Variants in RASAL2 observed in about 807,000 individuals in gnomAD.
RASAL2 encodes ras GTPase-activating protein nGAP.
A neutral mutation model predicts 128.9 loss-of-function variants in RASAL2; 58 were observed. That is an observed-to-expected ratio of 0.45 (90% CI 0.36 to 0.56). The LOEUF is 0.56. RASAL2 is among the 20% of genes least tolerant of loss of function. RASAL2 has a pLI of 0.00. For synonymous variants in RASAL2, 561 were observed against 580.8 expected, an observed-to-expected ratio of 0.97 and a Z score of 0.49; for missense variants, 1,360 against 1,601.6, an observed-to-expected ratio of 0.85 and a Z score of 2.57.
intron 1 of RASAL2, among the ~76,000 whole-genome samples, chr1:178,199,267 G>A (rs1416112117): frequency 6.6e-6 from 1 of 152,180 alleles, no homozygotes; most frequent in Non-Finnish European, 1.5e-5. Context: ...CCCGGGTGAG[G>A]TGATGCCCCA....
In RASAL2 at chr1:178,175,761, T is replaced by C. The variant is rs114906087; in HGVS notation, c.202+81067T>C. 6.0e-3 allele frequency among the ~76,000 whole-genome samples: 914 copies of C among 152,160 alleles called. 9 individuals are homozygous for C. The highest frequency in any genetic ancestry group is 0.021 in the African/African-American group (866 of 41,536). On this transcript the variant is annotated intron_variant, in intron 1 of 17. Transcript: ENST00000367649. The stretch of plus-strand genomic sequence containing the variant: ...CACTGTGAATGCCTTTGTGTACCCA[T>C]TGTTTAGGTCCCAGTTATAAGAGAG...
Position 178,326,937 on chromosome 1 carries a change from C to T in RASAL2, c.457+26819C>T, listed in dbSNP as rs750145845. 8.5e-5 allele frequency among the ~76,000 whole-genome samples: 13 copies of T among 152,076 alleles called. No individual in the cohort carries two copies. In the South Asian group the frequency reaches 1.7e-3, roughly 19 times the overall value. ...TTTTATCACGTTTTAAGTGATGATT[C>T]GTTCTTTCTGGAGACAATCAAAAAT... is the stretch of plus-strand genomic sequence containing the variant. On this transcript the variant is annotated intron_variant, in intron 3 of 17. Transcript: ENST00000367649.
intron 1 of RASAL2, among the ~76,000 whole-genome samples, chr1:178,179,839 A>C (rs1223327619): frequency 6.6e-6 from 1 of 152,178 alleles, no homozygotes; most frequent in Admixed American, 6.5e-5. Flanking sequence ...AAAGCAGCTC[A>C]ACAAAGTAGC....
At chr1:178,378,955 A>C (rs1378740819) in intron 3 of RASAL2, among the ~76,000 whole-genome samples, 1 of 152,140 alleles carries the variant, frequency 6.6e-6, no homozygotes, top group Non-Finnish European at 1.5e-5. Flanking sequence ...AAACAGAATC[A>C]ATAAAGCCAA....
At chr1:178,390,404 G>C (rs1381760799) in intron 4 of RASAL2, among the ~76,000 whole-genome samples, 198 bp downstream of exon 4, 3 of 151,938 alleles carry the variant, frequency 2.0e-5, no homozygotes, top group Admixed American at 6.6e-5. Context: ...TTTTGAGACT[G>C]AGTCTCACTC....
In RASAL2 at chr1:178,293,034, A is replaced by G. The variant is rs1002832590; in HGVS notation, c.331-6958A>G. 2.0e-5 allele frequency among the ~76,000 whole-genome samples: 3 copies of G among 152,302 alleles called. No homozygotes were observed. In the East Asian group the frequency reaches 5.8e-4, roughly 29 times the overall value. On this transcript the variant is annotated intron_variant, in intron 2 of 17. Coordinates refer to ENST00000367649, the MANE Select transcript of RASAL2 (RefSeq NM_170692.4). The stretch of plus-strand genomic sequence containing the variant: ...TGCAAATAGCTAAAAATTAACTGGT[A>G]TTTATTCTGGGGTGAGCTACCTATG...
At chr1:178,170,181 A>G (rs903011448) in intron 1 of RASAL2, among the ~76,000 whole-genome samples, 1 of 151,954 alleles carries the variant, frequency 6.6e-6, no homozygotes, top group Non-Finnish European at 1.5e-5. Context: ...CTTGACCTGC[A>G]TTTATAGGAA....
intron 5 of RASAL2, among the ~76,000 whole-genome samples, chr1:178,422,210 A>G (rs1476943527): frequency 6.6e-6 from 1 of 151,784 alleles, no homozygotes; most frequent in Non-Finnish European, 1.5e-5. Context: ...CTCCTATTCC[A>G]TTTTGTTTTA....
intron 4 of RASAL2, chr1:178,411,576 T>C: frequency 1.5e-6 from 1 of 674,208 alleles, no homozygotes; most frequent in Non-Finnish European, 2.7e-6. Context: ...TTTAAAAAAA[T>C]GAGTGGATGG....
rs141999022 is a variant in RASAL2, at chr1:178,348,259, A to T, written c.458-41841A>T. On this transcript the variant is annotated intron_variant, in intron 3 of 17. Transcript: ENST00000367649. Reference sequence around the variant, plus strand: ...CATTTGTGAAAACTTATTGACCTGTACATATGTTATTTGTACACTGCTCTT... The same window carrying T: ...CATTTGTGAAAACTTATTGACCTGTTCATATGTTATTTGTACACTGCTCTT... 1.4e-3 allele frequency among the ~76,000 whole-genome samples: 216 copies of T among 152,260 alleles called. 1 individual carries two copies. The highest frequency in any genetic ancestry group is 4.6e-3 in the African/African-American group (192 of 41,558).
At chr1:178,398,969 C>A (rs189084702) in intron 4 of RASAL2, among the ~76,000 whole-genome samples, 1 of 152,344 alleles carries the variant, frequency 6.6e-6, no homozygotes, top group East Asian at 1.9e-4. Context: ...CCTACACTTA[C>A]AAAGGCTCAA....
intron 14 of RASAL2, among the ~76,000 whole-genome samples, chr1:178,460,110 A>G (rs889213165): frequency 3.9e-5 from 6 of 152,194 alleles, no homozygotes; most frequent in African/African-American, 1.4e-4. Flanking sequence ...ACATAATTTT[A>G]GAAATCAGAA....
At chr1:178,418,031 A>G (rs1674885273) in intron 4 of RASAL2, among the ~76,000 whole-genome samples, 1 of 152,142 alleles carries the variant, frequency 6.6e-6, no homozygotes, top group Non-Finnish European at 1.5e-5. Flanking sequence ...AATAGTACAT[A>G]AAGCCTTTGC....
At chr1:178,437,383 C>T (rs1052451933) in intron 5 of RASAL2, among the ~76,000 whole-genome samples, 1 of 152,076 alleles carries the variant, frequency 6.6e-6, no homozygotes, top group Non-Finnish European at 1.5e-5. Flanking sequence ...ACATATAGTT[C>T]AGAAAGTGAC....
intron 1 of RASAL2, among the ~76,000 whole-genome samples, chr1:178,206,112 C>G (rs946712895): frequency 3.3e-5 from 5 of 152,122 alleles, no homozygotes; most frequent in Admixed American, 3.3e-4. Context: ...TTATCTTGCT[C>G]TGTGTACTCT....
intron 1 of RASAL2, among the ~76,000 whole-genome samples, chr1:178,107,056 CTTGA>C (rs1323575770): frequency 1.3e-5 from 2 of 152,008 alleles, no homozygotes; most frequent in African/African-American, 4.8e-5. Context: ...TCCCTACAAT[CTTGA>C]AAAACCTTGC....
In RASAL2 at chr1:178,213,904, A is replaced by C. The variant is rs114312542; in HGVS notation, c.203-69660A>C. ...AGGACTTTATATAGGGAAAAAAAAA[A>C]CTCCAAACACAAACCCTGAAAAGAA... On this transcript the variant is annotated intron_variant, in intron 1 of 17. Transcript: ENST00000367649. Among the ~76,000 whole-genome samples the C allele has an allele frequency of 2.8e-3, 419 of 151,714 alleles. 1 individual carries two copies. The highest frequency in any genetic ancestry group is 4.8e-3 in the Non-Finnish European group (323 of 67,864).
intron 2 of RASAL2, among the ~76,000 whole-genome samples, chr1:178,289,348 T>G (rs1218544706): frequency 6.6e-6 from 1 of 152,186 alleles, no homozygotes; most frequent in Non-Finnish European, 1.5e-5. Flanking sequence ...TCTCTTCTTC[T>G]CTTCAAATCT....
intron 3 of RASAL2, among the ~76,000 whole-genome samples, chr1:178,364,708 A>G (rs1184969340): frequency 6.6e-6 from 1 of 152,210 alleles, no homozygotes; most frequent in East Asian, 1.9e-4. Flanking sequence ...AATAAATATT[A>G]GGTAGCTACT....
Sources: allele counts gnomAD v4.1 joint callset (sites outside exome capture counted in the v4.1 genomes callset), GRCh38; gene constraint gnomAD v4.1.1; transcripts MANE v1.5; gene names NCBI Gene and HGNC (gene_info 2026-07-23, HGNC 2026-07-21).